Variants in PLEKHG4 observed in about 807,000 individuals in gnomAD.
PLEKHG4 encodes the protein puratrophin-1.
In PLEKHG4, 85 loss-of-function variants were observed where a neutral mutation model predicts 136.9. That is an observed-to-expected ratio of 0.62 (90% CI 0.52 to 0.74). The LOEUF (loss-of-function observed/expected upper bound fraction) is 0.74, where lower values mean the gene tolerates loss of function less well. Ranked by LOEUF, PLEKHG4 falls within the 30% of genes least tolerant of loss-of-function variation. The pLI is 0.00. For missense variants in PLEKHG4, 1,317 were observed against 1,527.8 expected (o/e 0.86, Z 2.30); for synonymous variants, 577 against 646.9 (o/e 0.89, Z 1.64).
Position 67,288,154 on chromosome 16 carries a change from C to T in PLEKHG4, c.3221-13C>T. The stretch of plus-strand genomic sequence containing the variant: ...CTCTGGCCTGTCCCAACCTGACCCT[C>T]TCTCTTATGCAGAAGTTCGCTCTCG... On this transcript the variant is annotated splice_polypyrimidine_tract_variant and intron_variant, in intron 19 of 21. Coordinates refer to ENST00000379344, the MANE Select transcript of PLEKHG4 (RefSeq NM_001129729.3). The T allele has an allele frequency of 6.2e-7, 1 of 1,611,742 alleles. No individual in the cohort carries two copies. The highest frequency in any genetic ancestry group is 8.5e-7 in the Non-Finnish European group (1 of 1,177,912).
In PLEKHG4 at chr16:67,285,293, A is replaced by T; in HGVS notation, c.2199A>T (p.Leu733=). Residue 733 remains leucine (L), a synonymous_variant, in exon 14 of 22, where the codon CTA becomes CTT. Coordinates refer to ENST00000379344, the MANE Select transcript of PLEKHG4 (RefSeq NM_001129729.3). Reference sequence around the variant, plus strand: ...CCTGACTCCCCATACCTGGTAGGCTACAGCTGGTGCTGGCAGAGATGGTGG... The same window carrying T: ...CCTGACTCCCCATACCTGGTAGGCTTCAGCTGGTGCTGGCAGAGATGGTGG... ...GSSDPRSLNR[L]QLVLAEMVAT... 6.2e-7 allele frequency: 1 copy of T among 1,614,068 alleles called. No individual in the cohort carries two copies. Among genetic ancestry groups the T allele is most frequent in the Non-Finnish European group, 8.5e-7 (1 of 1,180,024 alleles).
Position 67,284,959 on chromosome 16 carries a change from C to A in PLEKHG4, c.1939C>A (p.Leu647Met). The change falls in exon 13 of 22, where the codon CTG (leucine) becomes ATG (methionine). Residue 647 changes from leucine to methionine, a missense_variant. By Grantham distance (15) the Leu-to-Met change is conservative. Coordinates refer to ENST00000379344, the MANE Select transcript of PLEKHG4 (RefSeq NM_001129729.3). The surrounding 1 kb of genome is among the most constrained non-coding windows in gnomAD (Gnocchi z 4.4). ...CCTGGACCAAAAGCTTGAGGCTTCA[C>A]TGAAGCTACCACCGGTGGGCAGCAC... is the stretch of plus-strand genomic sequence containing the variant. ...LALDQKLEAS[L>M]KLPPVGSTAS... 1.9e-6 allele frequency: 3 copies of A among 1,613,098 alleles called. No individual in the cohort carries two copies. The highest frequency in any genetic ancestry group is 2.5e-6 in the Non-Finnish European group (3 of 1,179,914).
Position 67,288,026 on chromosome 16 carries a change from G to C in PLEKHG4, c.3220+12G>C. ...CCTGAAGTGCCGAGGTAGCAGGCAG[G>C]CTACAGGGTGTGGGGGTGGGAGTAG... On this transcript the variant is annotated intron_variant, in intron 19 of 21. Transcript: ENST00000379344. The C allele has an allele frequency of 3.8e-6, 6 of 1,590,962 alleles. No individual in the cohort carries two copies. Among genetic ancestry groups the C allele is most frequent in the Non-Finnish European group, 4.3e-6 (5 of 1,158,888 alleles).
At position 67,286,574 on chromosome 16, in the gene PLEKHG4, C is replaced by T. The variant is rs1597385288; in HGVS notation, c.2662C>T (p.Leu888Phe). The change falls in exon 16 of 22, where the codon CTC becomes TTC. Residue 888 changes from leucine to phenylalanine, a missense_variant. Transcript: ENST00000379344. Reference sequence around the variant, plus strand: ...GGCCTGCGGGGGCCCCACGCAGGAGCTCAGTGCGCTGCGGGAGGCCCAGAG... The same window carrying T: ...GGCCTGCGGGGGCCCCACGCAGGAGTTCAGTGCGCTGCGGGAGGCCCAGAG... The part of the protein sequence containing the change: ...ARACGGPTQE[L>F]SALREAQSLV... 6.4e-7 allele frequency: 1 copy of T among 1,561,672 alleles called. No homozygotes were observed. Among genetic ancestry groups the T allele is most frequent in the Non-Finnish European group, 8.7e-7 (1 of 1,152,186 alleles).
In PLEKHG4 at chr16:67,284,681, C is replaced by G; in HGVS notation, c.1693-32C>G. The G allele has an allele frequency of 6.2e-7, 1 of 1,610,660 alleles. No individual in the cohort carries two copies. The highest frequency in any genetic ancestry group is 2.2e-5 in the East Asian group (1 of 44,782). ...TGCCCAGCAGGCTTGGCAGGATCTT[C>G]CTCTAATGCTTGTCCGGCCCTGGTG... is the stretch of plus-strand genomic sequence containing the variant. On this transcript the variant is annotated intron_variant, in intron 12 of 21. Transcript: ENST00000379344. The surrounding 1 kb of genome is among the most constrained non-coding windows in gnomAD (Gnocchi z 4.4).
chr16:67,279,848 C>T (rs2036129479), intron 1 of PLEKHG4, 28 bp from the exon 2 acceptor site: 1 of 606,836 alleles, frequency 1.6e-6, no homozygotes, highest in South Asian at 2.0e-5. Flanking sequence ...GACAGAGGGA[C>T]ACCCTTAACG....
rs748177882 is a variant in PLEKHG4, at chr16:67,280,279, T to C, written c.235T>C (p.Ser79Pro). Residue 79 changes from serine to proline, a missense_variant, in exon 2 of 22, where the codon TCG becomes CCG. Coordinates refer to ENST00000379344, the MANE Select transcript of PLEKHG4 (RefSeq NM_001129729.3). This position sits in a 1 kb window ranked among gnomAD's most constrained non-coding sequence, Gnocchi z 4.4. ...KFQLPPAADE[S>P]GDAQRGTVES... ...CCAGTTACCCCCAGCTGCAGATGAGTCGGGGGATGCCCAGAGGGGCACAGT... is the reference window on the plus strand; with the variant it reads ...CCAGTTACCCCCAGCTGCAGATGAGCCGGGGGATGCCCAGAGGGGCACAGT... 8.9e-5 allele frequency: 144 copies of C among 1,613,418 alleles called. No individual in the cohort carries two copies. Among genetic ancestry groups the C allele is most frequent in the Admixed American group, 1.3e-4 (8 of 59,992 alleles).
chr16:67,288,659 G>A, intron 21 of PLEKHG4, 55 bp downstream of exon 21: 1 of 1,608,002 alleles, frequency 6.2e-7, no homozygotes, highest in Non-Finnish European at 8.5e-7. Flanking sequence ...AGCTGAGCCT[G>A]TGACTGTGAC....
rs766711029 is a variant in PLEKHG4, at chr16:67,284,446, C to T, written c.1681C>T (p.Leu561Phe). 22 of 1,613,756 alleles carry T rather than the reference C, an allele frequency of 1.4e-5. No homozygotes were observed. The South Asian group carries it at 2.1e-4, about 15-fold the overall frequency. Residue 561 changes from leucine to phenylalanine, a missense_variant, in exon 12 of 22, where the codon CTC (leucine) becomes TTC (phenylalanine). Transcript: ENST00000379344. The surrounding 1 kb of genome is among the most constrained non-coding windows in gnomAD (Gnocchi z 4.4). ...GGCGGATGCTGAGAGGCTGTTTCAG[C>T]TCTTCAGGGAGGTGGGTGAGAGTCT... The part of the protein sequence containing the change: ...RLADAERLFQ[L>F]FREALTWAEE...
chr16:67,289,298 A>C lies in PLEKHG4; in HGVS notation c.*490A>C, dbSNP rs927543058. Reference sequence around the variant, plus strand: ...CTTGCCTTTCCTGGCCCCCAGGCCCAGCCCCTTTTTACTGGGGCAGTTTCG... The same window carrying C: ...CTTGCCTTTCCTGGCCCCCAGGCCCCGCCCCTTTTTACTGGGGCAGTTTCG... On this transcript the variant is annotated 3_prime_UTR_variant, in exon 22 of 22. Transcript: ENST00000379344. 33 of 431,174 alleles carry C rather than the reference A, an allele frequency of 7.7e-5. No individual in the cohort carries two copies. Among genetic ancestry groups the C allele is most frequent in the African/African-American group, 4.8e-4 (24 of 50,030 alleles). The allele number at this position is 431,174 out of a possible 1,614,324, so 26.7% of individuals were successfully genotyped here. A position where few individuals can be genotyped will look rare whatever the true frequency, so the allele number is the denominator to read the frequency against.
Position 67,286,370 on chromosome 16 carries a change from G to A in PLEKHG4, c.2532+7G>A. ...TGGGCACACCTTCTTCAAGGTAAGT[G>A]AACCTGAGATTAGGAGGAGTAGGGG... On this transcript the variant is annotated splice_region_variant and intron_variant, in intron 15 of 21. Coordinates refer to ENST00000379344, the MANE Select transcript of PLEKHG4 (RefSeq NM_001129729.3). 1 of 1,612,982 alleles carries A rather than the reference G, an allele frequency of 6.2e-7. No homozygotes were observed. The highest frequency in any genetic ancestry group is 8.5e-7 in the Non-Finnish European group (1 of 1,178,954).
At position 67,280,078 on chromosome 16, in the gene PLEKHG4, C is replaced by T. The variant is rs2036140558; in HGVS notation, c.34C>T (p.Pro12Ser). ...GCCCCTGGAGAATGGGGATGAGTCCCCAGACTCTCAGGGCCATGCCACCGA... is the reference window on the plus strand; with the variant it reads ...GCCCCTGGAGAATGGGGATGAGTCCTCAGACTCTCAGGGCCATGCCACCGA... ...ERPLENGDES[P>S]DSQGHATDWR... Residue 12 changes from proline (P) to serine (S), a missense_variant, in exon 2 of 22, where the codon CCA (proline) becomes TCA (serine). Physicochemically the swap from Pro to Ser is moderately conservative, Grantham distance 74. Transcript: ENST00000379344. This position sits in a 1 kb window ranked among gnomAD's most constrained non-coding sequence, Gnocchi z 4.4. 2 of 1,613,558 alleles carry T rather than the reference C, an allele frequency of 1.2e-6. No homozygotes were observed. Among genetic ancestry groups the T allele is most frequent in the African/African-American group, 1.3e-5 (1 of 74,926 alleles).
At position 67,280,380 on chromosome 16, in the gene PLEKHG4, C is replaced by T. The variant is rs970024704; in HGVS notation, c.336C>T (p.His112=). 19 of 1,612,186 alleles carry T rather than the reference C, an allele frequency of 1.2e-5. No homozygotes were observed. The highest frequency in any genetic ancestry group is 1.0e-4 in the Admixed American group (6 of 59,898). ...VESLLCPMSS[H]LSLAQGESDT... is the part of the protein sequence containing the mutation. ...GTCTCCTATGCCCCATGTCCTCCCA[C>T]CTCAGCTTGGCACAGGGTGAGAGTG... Residue 112 remains histidine, a synonymous_variant, in exon 2 of 22, where the codon CAC becomes CAT. Coordinates refer to ENST00000379344, the MANE Select transcript of PLEKHG4 (RefSeq NM_001129729.3). The surrounding 1 kb of genome is among the most constrained non-coding windows in gnomAD (Gnocchi z 4.4).
rs1442625323 is a variant in PLEKHG4 at position 67,286,507 on chromosome 16, G to C, written c.2595G>C (p.Gln865His). 1 of 1,597,430 alleles carries C rather than the reference G, an allele frequency of 6.3e-7. No individual in the cohort carries two copies. ...DLASYLLKPIQRMGKYALLLQ... is the reference protein window; with the variant it reads ...DLASYLLKPIHRMGKYALLLQ... ...CCTCCTACCTGCTAAAGCCCATCCA[G>C]CGCATGGGCAAGTACGCACTGCTGC... Residue 865 changes from glutamine (Q) to histidine (H), a missense_variant, in exon 16 of 22, where the codon CAG (glutamine) becomes CAC (histidine). Physicochemically the swap from Gln to His is conservative, Grantham distance 24. Coordinates refer to ENST00000379344, the MANE Select transcript of PLEKHG4 (RefSeq NM_001129729.3).
In PLEKHG4 at chr16:67,286,297, G is replaced by A. The variant is rs201887892; in HGVS notation, c.2466G>A (p.Ala822=). ...LRHRVQFGMY[A]LYSKNKPRSD... The stretch of plus-strand genomic sequence containing the variant: ...AGAGGGTGCAGTTTGGGATGTACGC[G>A]CTCTACAGCAAGAATAAGCCTCGCT... The change falls in exon 15 of 22, where the codon GCG becomes GCA. Residue 822 remains alanine (A), a synonymous_variant. Transcript: ENST00000379344. The A allele has an allele frequency of 2.7e-5, 43 of 1,613,656 alleles. No individual in the cohort carries two copies. Among genetic ancestry groups the A allele is most frequent in the Admixed American group, 5.0e-5 (3 of 60,030 alleles).
chr16:67,287,756 C>T, intron 18 of PLEKHG4, 142 bp from the exon 19 acceptor site: 2 of 720,660 alleles, frequency 2.8e-6, no homozygotes, highest in South Asian at 1.5e-5. Flanking sequence ...GAGGAGAGCA[C>T]CTGGCACTAG....
At position 67,284,811 on chromosome 16, in the gene PLEKHG4, G is replaced by A; in HGVS notation, c.1791G>A (p.Arg597=). Reference sequence around the variant, plus strand: ...AGCAGCTGCAGCTGCACTGGACCAGGCACCCTGACTTGCCTCCTGCCCACT... The same window carrying A: ...AGCAGCTGCAGCTGCACTGGACCAGACACCCTGACTTGCCTCCTGCCCACT... ...VLQQLQLHWT[R]HPDLPPAHFR... is the part of the protein sequence containing the mutation. Residue 597 remains arginine, a synonymous_variant, in exon 13 of 22, where the codon AGG becomes AGA. Transcript: ENST00000379344. This position sits in a 1 kb window ranked among gnomAD's most constrained non-coding sequence, Gnocchi z 4.4. 1 of 1,613,650 alleles carries A rather than the reference G, an allele frequency of 6.2e-7. No individual in the cohort carries two copies. Among genetic ancestry groups the A allele is most frequent in the Admixed American group, 1.7e-5 (1 of 60,016 alleles).
At chr16:67,288,763 G>A (rs1347890448) in intron 21 of PLEKHG4, 40 bp from the exon 22 acceptor site, 3 of 1,613,334 alleles carry the variant, frequency 1.9e-6, no homozygotes, top group South Asian at 2.2e-5. Context: ...TGGGTCCAGA[G>A]TCAGGGAAGC....
intron 13 of PLEKHG4, 22 bp from the exon 14 acceptor site, chr16:67,285,268 C>A: frequency 6.2e-7 from 1 of 1,613,868 alleles, no homozygotes; most frequent in South Asian, 1.1e-5. Flanking sequence ...TGTCTTGGGT[C>A]CTGACTCCCC....
Sources: gnomAD v4.1 joint callset for allele counts on GRCh38, gnomAD v4.1.1 for gene constraint, Gnocchi (gnomAD v3.1) non-coding constraint, MANE v1.5 for transcripts, NCBI Gene and HGNC (gene_info 2026-07-23, HGNC 2026-07-21) for gene names.